The following DENND1B variants were observed in gnomAD, a reference collection of about 807,000 sequenced individuals.
DENND1B encodes the protein DENN domain containing 1B.
In DENND1B, 59 loss-of-function variants were observed where a neutral mutation model predicts 90.1. The observed-to-expected ratio is 0.65, with a 90% CI of 0.53 to 0.81. DENND1B has a LOEUF of 0.81. DENND1B is among the 40% of genes least tolerant of loss of function. The pLI is 0.00. For missense variants in DENND1B, 862 were observed against 912.6 expected (o/e 0.94, Z 0.71); for synonymous variants, 337 against 324.6 (o/e 1.04, Z -0.41).
In DENND1B at chr1:197,617,679, T is replaced by C; in HGVS notation, c.753A>G (p.Pro251=). Residue 251 remains proline, a synonymous_variant, in exon 11 of 23, where the codon CCA becomes CCG. Coordinates refer to ENST00000620048, the MANE Select transcript of DENND1B (RefSeq NM_001195215.2). The part of the protein sequence containing the change: ...WQHIYIPVLP[P]HLLDYCCAPM... Reference sequence around the variant, plus strand: ...CTTACCAGCAGTAGTCCAGCAGGTGTGGAGGAAGCACTGGGATGTATATGT... The same window carrying C: ...CTTACCAGCAGTAGTCCAGCAGGTGCGGAGGAAGCACTGGGATGTATATGT... 1 of 1,607,324 alleles carries C rather than the reference T, an allele frequency of 6.2e-7. No individual in the cohort carries two copies. The highest frequency in any genetic ancestry group is 8.5e-7 in the Non-Finnish European group (1 of 1,175,312).
chr1:197,650,358 G>A (rs1344393751), intron 7 of DENND1B, among the ~76,000 whole-genome samples: 2 of 152,124 alleles, frequency 1.3e-5, no homozygotes, highest in Admixed American at 6.6e-5. Context: ...CGCATCCCAC[G>A]TCAATAGTAG....
Position 197,607,183 on chromosome 1 carries a change from A to G in DENND1B, c.820-9T>C. The G allele has an allele frequency of 6.5e-7, 1 of 1,538,876 alleles. No homozygotes were observed. Among genetic ancestry groups the G allele is most frequent in the Non-Finnish European group, 8.9e-7 (1 of 1,123,514 alleles). On this transcript the variant is annotated splice_polypyrimidine_tract_variant and intron_variant, in intron 12 of 22. Coordinates refer to ENST00000620048, the MANE Select transcript of DENND1B (RefSeq NM_001195215.2). ...GATTTGTTTTTCACTCTCTATAAAA[A>G]AAACACAATTATGAATACAAATCAG...
chr1:197,525,949 G>A (rs573903380), intron 20 of DENND1B, among the ~76,000 whole-genome samples: 2 of 152,186 alleles, frequency 1.3e-5, no homozygotes, highest in East Asian at 3.9e-4. Flanking sequence ...ATATTCATAT[G>A]TTAGAAAAGC....
intron 11 of DENND1B, 125 bp from the exon 12 acceptor site, chr1:197,612,101 T>C (rs1312721990): frequency 8.2e-6 from 5 of 612,830 alleles, no homozygotes; most frequent in South Asian, 3.6e-5. Flanking sequence ...TAACACATTA[T>C]AGATATTCAA....
intron 2 of DENND1B, among the ~76,000 whole-genome samples, chr1:197,760,733 T>C (rs1340529545): frequency 6.6e-6 from 1 of 151,882 alleles, no homozygotes; most frequent in Admixed American, 6.6e-5. Context: ...GGCTTTATAA[T>C]GAATTTTAAA....
chr1:197,536,159 ATAGAT>A (rs1416043143), intron 20 of DENND1B, among the ~76,000 whole-genome samples: 1 of 46,254 alleles, frequency 2.2e-5, no homozygotes, highest in South Asian at 1.2e-3. Flanking sequence ...AGAGAGAGAG[ATAGAT>A]GAGATGAGAT....
intron 11 of DENND1B, among the ~76,000 whole-genome samples, chr1:197,616,124 A>G (rs1326143339): frequency 1.3e-5 from 2 of 151,054 alleles, no homozygotes; most frequent in Admixed American, 6.6e-5. Context: ...ATTTTAATAG[A>G]AAAATTAAGA....
In DENND1B at chr1:197,596,661, A is replaced by G. The variant is rs1490857307; in HGVS notation, c.922-1328T>C. On this transcript the variant is annotated intron_variant, in intron 13 of 22. Transcript: ENST00000620048. ...ATGCACACATATACACACACACAAC[A>G]CATGCACACATATACACAAATACAC... 4.0e-5 allele frequency among the ~76,000 whole-genome samples: 6 copies of G among 151,736 alleles called. No individual in the cohort carries two copies. In the East Asian group the frequency reaches 9.7e-4, roughly 24 times the overall value.
At chr1:197,513,916 A>G (rs909790382) in intron 20 of DENND1B, among the ~76,000 whole-genome samples, 52 of 151,672 alleles carry the variant, frequency 3.4e-4, no homozygotes, top group African/African-American at 1.2e-3. Flanking sequence ...GCTTACCCTC[A>G]GTTTCTTTTT....
intron 3 of DENND1B, among the ~76,000 whole-genome samples, chr1:197,675,882 C>T (rs1656008877): frequency 6.6e-6 from 1 of 151,930 alleles, no homozygotes; most frequent in African/African-American, 2.4e-5. Context: ...ACGAACGCTT[C>T]CCAGTTAGTT....
At chr1:197,546,617 AT>A (rs1452912057) in intron 17 of DENND1B, 115 bp downstream of exon 17, 1 of 913,422 alleles carries the variant, frequency 1.1e-6, no homozygotes, top group African/African-American at 1.8e-5. Context: ...GTGACAAAAT[AT>A]ACAAACATTT....
intron 15 of DENND1B, among the ~76,000 whole-genome samples, chr1:197,566,070 CT>C (rs1335234297): frequency 6.6e-6 from 1 of 152,052 alleles, no homozygotes; most frequent in Non-Finnish European, 1.5e-5. Flanking sequence ...GCCACACTGA[CT>C]TCCACAAGGG....
intron 15 of DENND1B, among the ~76,000 whole-genome samples, chr1:197,558,658 G>C (rs748449171): frequency 2.0e-5 from 3 of 151,748 alleles, no homozygotes; most frequent in African/African-American, 7.2e-5. Flanking sequence ...TTTCAACCTT[G>C]CTTATGACAT....
At chr1:197,726,687 G>C (rs1422911387) in intron 2 of DENND1B, among the ~76,000 whole-genome samples, 1 of 152,172 alleles carries the variant, frequency 6.6e-6, no homozygotes, top group Non-Finnish European at 1.5e-5. Context: ...GATACCCCTG[G>C]AGGGCCACAG....
chr1:197,706,463 C>G (rs1659545947), intron 3 of DENND1B, among the ~76,000 whole-genome samples: 2 of 152,030 alleles, frequency 1.3e-5, no homozygotes, highest in South Asian at 2.1e-4. Context: ...TTCGGCACAG[C>G]CAAAGGAACA....
At chr1:197,590,609 A>G (rs1328329104) in intron 14 of DENND1B, among the ~76,000 whole-genome samples, 1 of 152,170 alleles carries the variant, frequency 6.6e-6, no homozygotes, top group African/African-American at 2.4e-5. Context: ...AGTAACAACA[A>G]TTTAGGGTTG....
chr1:197,771,211 C>T (rs1656566687), intron 2 of DENND1B, among the ~76,000 whole-genome samples: 2 of 152,128 alleles, frequency 1.3e-5, no homozygotes, highest in Admixed American at 1.3e-4. Context: ...CGTGCCACGC[C>T]TTTACAAGCA....
chr1:197,646,472 T>C (rs1050377430), intron 8 of DENND1B, among the ~76,000 whole-genome samples: 2 of 151,964 alleles, frequency 1.3e-5, no homozygotes, highest in Non-Finnish European at 2.9e-5. Flanking sequence ...TCCCAAATTT[T>C]ACCACCCAGA....
At chr1:197,630,487 ATACTAT>A (rs1558328717) in intron 10 of DENND1B, among the ~76,000 whole-genome samples, 1 of 152,136 alleles carries the variant, frequency 6.6e-6, no homozygotes. Flanking sequence ...CTAACTCTTA[ATACTAT>A]CATATTAGGT....
Sources: allele counts gnomAD v4.1 joint callset (sites outside exome capture counted in the v4.1 genomes callset), GRCh38; gene constraint gnomAD v4.1.1; transcripts MANE v1.5; gene names NCBI Gene and HGNC (gene_info 2026-07-23, HGNC 2026-07-21).